Variants in GLI3 observed in about 807,000 individuals in gnomAD.
GLI3 encodes GLI family zinc finger 3, also known as transcription activator GLI3.
GLI3 carries 20 observed loss-of-function variants against 100.8 expected under a neutral mutation model. The observed-to-expected ratio is 0.20, with a 90% CI of 0.14 to 0.29. The LOEUF (loss-of-function observed/expected upper bound fraction) is 0.29. GLI3 is among the 10% of genes least tolerant of loss of function. The probability of loss-of-function intolerance (pLI) is 1.00; values close to 1 mark genes in which losing one functional copy is unlikely to be tolerated. For missense variants in GLI3, 2,040 were observed against 2,128.5 expected (o/e 0.96, Z 0.82); for synonymous variants, 938 against 860.5 (o/e 1.09, Z -1.58).
chr7:42,158,649 C>T (rs1351985665), intron 2 of GLI3, among the ~76,000 whole-genome samples: 1 of 152,024 alleles, frequency 6.6e-6, no homozygotes, highest in East Asian at 1.9e-4. Flanking sequence ...AAGCACTACA[C>T]CCAGCTAATT....
At chr7:42,048,729 T>G in intron 4 of GLI3, 33 bp from the exon 5 acceptor site, 143 of 1,381,026 alleles carry the variant, frequency 1.0e-4, no homozygotes, top group Non-Finnish European at 1.4e-4. Flanking sequence ...ACAAGGGGTA[T>G]GCATGAGACA....
intron 3 of GLI3, among the ~76,000 whole-genome samples, chr7:42,139,779 C>A (rs191276104): frequency 2.6e-5 from 4 of 152,324 alleles, no homozygotes; most frequent in Admixed American, 2.6e-4. Context: ...GGGAGGGGAG[C>A]CCTGTGACCT....
In GLI3 at chr7:42,247,187, G is replaced by A. The variant is rs145874310; in HGVS notation, c.-43+16807C>T. ...AAAGGGATTCAATATTTTTATTATC[G>A]ATTACAAGTACATTTTAACTAAAAA... On this transcript the variant is annotated intron_variant, in intron 1 of 2. Coordinates refer to the GLI3 transcript ENST00000678978. Among the ~76,000 whole-genome samples the A allele has an allele frequency of 8.7e-3, 1,329 of 152,186 alleles. 12 individuals carry two copies. Among genetic ancestry groups the A allele is most frequent in the Non-Finnish European group, 0.013 (879 of 68,008 alleles).
chr7:42,032,303 G>C (rs1376745471), intron 7 of GLI3, among the ~76,000 whole-genome samples: 3 of 151,970 alleles, frequency 2.0e-5, no homozygotes, highest in Admixed American at 6.5e-5. Flanking sequence ...ATTAAACCTG[G>C]AAATACATAA....
intron 2 of GLI3, among the ~76,000 whole-genome samples, chr7:42,179,591 G>A (rs552899078): frequency 6.6e-6 from 1 of 152,286 alleles, no homozygotes; most frequent in African/African-American, 2.4e-5. Flanking sequence ...AGAGCTGATG[G>A]TGGCTCCTAG....
At chr7:41,988,281 G>A (rs570849580) in intron 10 of GLI3, among the ~76,000 whole-genome samples, 16 of 152,224 alleles carry the variant, frequency 1.1e-4, no homozygotes, top group African/African-American at 2.6e-4. Context: ...GGCCAACGTG[G>A]TGAAACCCTG....
At chr7:42,200,585 C>T (rs1788018785) in intron 2 of GLI3, among the ~76,000 whole-genome samples, 1 of 152,102 alleles carries the variant, frequency 6.6e-6, no homozygotes, top group Non-Finnish European at 1.5e-5. Context: ...TTGCCCCACA[C>T]AAGAAAGAGT....
At chr7:42,165,181 A>G (rs1183175062) in intron 2 of GLI3, among the ~76,000 whole-genome samples, 1 of 137,656 alleles carries the variant, frequency 7.3e-6, no homozygotes, top group Non-Finnish European at 1.5e-5. Context: ...ACTGTGTCCA[A>G]AAAAAAAAAA....
At chr7:42,251,666 G>T (rs1346024152) in intron 1 of GLI3, among the ~76,000 whole-genome samples, 5 of 152,138 alleles carry the variant, frequency 3.3e-5, no homozygotes, top group Non-Finnish European at 7.4e-5. Flanking sequence ...ATCATTCCTG[G>T]ATGTTTATGT....
At chr7:42,124,033 T>C (rs1305521768) in intron 3 of GLI3, among the ~76,000 whole-genome samples, 3 of 152,140 alleles carry the variant, frequency 2.0e-5, no homozygotes, top group African/African-American at 7.2e-5. Flanking sequence ...TTCTGCTTTG[T>C]TCGACTCTCC....
At chr7:42,198,253 T>C (rs1447752901) in intron 2 of GLI3, among the ~76,000 whole-genome samples, 2 of 151,972 alleles carry the variant, frequency 1.3e-5, no homozygotes, top group African/African-American at 4.8e-5. Flanking sequence ...GTGCAAAAAA[T>C]GGAATAACTG....
intron 1 of GLI3, among the ~76,000 whole-genome samples, chr7:42,253,293 A>G (rs750180412): frequency 2.0e-5 from 3 of 152,238 alleles, no homozygotes; most frequent in Admixed American, 2.0e-4. Flanking sequence ...CACAGTGCAC[A>G]GTGGCTTGCT....
At chr7:42,146,545 C>A (rs1786713562) in intron 3 of GLI3, among the ~76,000 whole-genome samples, 1 of 152,170 alleles carries the variant, frequency 6.6e-6, no homozygotes, top group South Asian at 2.1e-4. Context: ...TAATTAAATA[C>A]CTCACTAATT....
At position 42,254,642 on chromosome 7, in the gene GLI3, G is replaced by A. The variant is rs1319104583; in HGVS notation, c.-43+9352C>T. On this transcript the variant is annotated intron_variant, in intron 1 of 2. Transcript: ENST00000678978. ...TCTGTAGTGAGTGATTTTTCTAAAT[G>A]CCAGATATAATTCAATAATTTCTCA... Among the ~76,000 whole-genome samples the A allele has an allele frequency of 3.3e-5, 5 of 152,124 alleles. No individual in the cohort carries two copies. In the South Asian group the frequency reaches 8.3e-4, roughly 25 times the overall value.
chr7:42,180,324 A>G (rs942432087), intron 2 of GLI3, among the ~76,000 whole-genome samples: 1 of 152,218 alleles, frequency 6.6e-6, no homozygotes, highest in Non-Finnish European at 1.5e-5. Flanking sequence ...GGAACAAGTG[A>G]CTGGGGCAAA....
At chr7:42,102,263 TA>T (rs1785481110) in intron 3 of GLI3, among the ~76,000 whole-genome samples, 1 of 152,168 alleles carries the variant, frequency 6.6e-6, no homozygotes, top group East Asian at 1.9e-4. Flanking sequence ...ATCATTTTTT[TA>T]AAAAATCCAT....
chr7:42,137,521 T>C (rs986792179), intron 3 of GLI3, among the ~76,000 whole-genome samples: 2 of 152,170 alleles, frequency 1.3e-5, no homozygotes, highest in African/African-American at 2.4e-5. Flanking sequence ...CTTCTCTTTT[T>C]TTATTCAGTT....
At chr7:42,019,493 TG>T (rs1157204214) in intron 10 of GLI3, among the ~76,000 whole-genome samples, 103 of 152,352 alleles carry the variant, frequency 6.8e-4, no homozygotes, top group African/African-American at 2.5e-3. Flanking sequence ...TGGGCTGAGC[TG>T]TTTTACATAA....
chr7:42,144,218 T>C (rs1459149196), intron 3 of GLI3, among the ~76,000 whole-genome samples: 4 of 152,162 alleles, frequency 2.6e-5, no homozygotes, highest in East Asian at 1.9e-4. Context: ...AGACAGAGCA[T>C]GGGCAGAAGA....
Sources: gnomAD v4.1 joint callset for allele counts (sites outside exome capture counted in the v4.1 genomes callset) on GRCh38, gnomAD v4.1.1 for gene constraint, MANE v1.5 for transcripts, NCBI Gene and HGNC (gene_info 2026-07-23, HGNC 2026-07-21) for gene names.